Variants in MAP7 observed in about 807,000 individuals in gnomAD.
MAP7 encodes microtubule associated protein 7, also known as ensconsin.
MAP7 carries 52 observed loss-of-function variants against 94.8 expected under a neutral mutation model. The ratio of observed to expected loss-of-function variants is 0.55; its 90% CI spans 0.44 to 0.69. The LOEUF is 0.69. Ranked by LOEUF, MAP7 falls within the 30% of genes least tolerant of loss-of-function variation. The pLI, the probability that MAP7 is intolerant of heterozygous loss-of-function variation, is 0.00. For missense variants in MAP7, 940 were observed against 964.6 expected (o/e 0.97, Z 0.34); for synonymous variants, 350 against 357.0 (o/e 0.98, Z 0.22).
intron 15 of MAP7, 50 bp from the exon 16 acceptor site, chr6:136,356,844 T>G: frequency 6.9e-7 from 1 of 1,455,278 alleles, no homozygotes; most frequent in South Asian, 1.2e-5. Context: ...ATTCTTTTCT[T>G]AGACCTAACC....
At chr6:136,401,221 A>C (rs1783974384) in intron 3 of MAP7, among the ~76,000 whole-genome samples, 1 of 152,174 alleles carries the variant, frequency 6.6e-6, no homozygotes, top group Admixed American at 6.5e-5. Flanking sequence ...ACTTGTTGGC[A>C]CATGCCTGTA....
intron 16 of MAP7, among the ~76,000 whole-genome samples, chr6:136,346,437 C>CAGTAG (rs1431140064): frequency 3.3e-5 from 5 of 151,986 alleles, no homozygotes; most frequent in Admixed American, 6.6e-5. Flanking sequence ...TGGCACGCAC[C>CAGTAG]AGTAGTCCAA....
intron 1 of MAP7, among the ~76,000 whole-genome samples, chr6:136,496,018 AG>A (rs1818094955): frequency 6.6e-6 from 1 of 152,258 alleles, no homozygotes; most frequent in Non-Finnish European, 1.5e-5. Flanking sequence ...AAGTTATAAC[AG>A]GATGTTCCTT....
chr6:136,540,819 T>C (rs1434245004), intron 1 of MAP7, among the ~76,000 whole-genome samples: 1 of 152,184 alleles, frequency 6.6e-6, no homozygotes, highest in African/African-American at 2.4e-5. Flanking sequence ...TCCTGCAAGA[T>C]TCTCAGATAA....
chr6:136,538,159 C>T (rs1380362252), intron 1 of MAP7, among the ~76,000 whole-genome samples: 1 of 152,158 alleles, frequency 6.6e-6, no homozygotes, highest in African/African-American at 2.4e-5. Context: ...ATGTGCCTCA[C>T]CCACATGCCC....
chr6:136,384,579 G>A (rs1315475651), intron 5 of MAP7, among the ~76,000 whole-genome samples: 2 of 151,866 alleles, frequency 1.3e-5, no homozygotes, highest in Non-Finnish European at 2.9e-5. Flanking sequence ...GATCTCCTGG[G>A]CTCAAGTGAT....
chr6:136,439,862 A>G (rs2128840195), intron 1 of MAP7, among the ~76,000 whole-genome samples: 1 of 152,260 alleles, frequency 6.6e-6, no homozygotes, highest in East Asian at 1.9e-4. Context: ...AGAGAGCGAG[A>G]AGCTGAAGTA....
At chr6:136,389,244 C>T (rs1768621253) in intron 4 of MAP7, 110 bp downstream of exon 4, 1 of 1,460,380 alleles carries the variant, frequency 6.8e-7, no homozygotes, top group Admixed American at 2.6e-5. Flanking sequence ...GCTGATCACT[C>T]TGAAACCATT....
intron 5 of MAP7, among the ~76,000 whole-genome samples, chr6:136,384,199 A>G (rs1778551095): frequency 6.6e-6 from 1 of 152,330 alleles, no homozygotes; most frequent in African/African-American, 2.4e-5. Flanking sequence ...GATAAAAAGA[A>G]CACCAGGTTC....
chr6:136,395,114 T>A (rs1357083372), intron 3 of MAP7, among the ~76,000 whole-genome samples: 2 of 151,330 alleles, frequency 1.3e-5, no homozygotes, highest in Non-Finnish European at 2.9e-5. Context: ...CATCCTGCAG[T>A]TCTATTTTTA....
chr6:136,431,710 G>A (rs1307063369), intron 1 of MAP7, among the ~76,000 whole-genome samples: 1 of 152,040 alleles, frequency 6.6e-6, no homozygotes, highest in South Asian at 2.1e-4. Context: ...TAGAGACGGG[G>A]TTTCACCATC....
chr6:136,376,004 C>CTG (rs1158688710), intron 7 of MAP7, among the ~76,000 whole-genome samples: 1 of 152,150 alleles, frequency 6.6e-6, no homozygotes, highest in African/African-American at 2.4e-5. Context: ...AATTTCCCAG[C>CTG]TGTGAGGCAG....
intron 1 of MAP7, among the ~76,000 whole-genome samples, chr6:136,437,603 A>G (rs955114872): frequency 2.6e-5 from 4 of 152,200 alleles, no homozygotes; most frequent in African/African-American, 9.7e-5. Flanking sequence ...TAAGAATGAC[A>G]GTTTCATCTC....
At chr6:136,474,675 G>T (rs1355356087) in intron 1 of MAP7, among the ~76,000 whole-genome samples, 1 of 151,864 alleles carries the variant, frequency 6.6e-6, no homozygotes, top group Non-Finnish European at 1.5e-5. Flanking sequence ...ATTTTATGTA[G>T]TTTATTCTAT....
chr6:136,404,926 C>G (rs1259779755), intron 3 of MAP7, among the ~76,000 whole-genome samples: 1 of 152,058 alleles, frequency 6.6e-6, no homozygotes, highest in African/African-American at 2.4e-5. Flanking sequence ...AAGGCATATC[C>G]TAATAGATTA....
At chr6:136,444,902 T>C (rs1398551965) in intron 1 of MAP7, among the ~76,000 whole-genome samples, 1 of 152,178 alleles carries the variant, frequency 6.6e-6, no homozygotes, top group Non-Finnish European at 1.5e-5. Flanking sequence ...CTTCAGCAAA[T>C]GTCTCAGTTT....
intron 1 of MAP7, among the ~76,000 whole-genome samples, chr6:136,424,487 C>T (rs1384133131): frequency 6.6e-6 from 1 of 152,178 alleles, no homozygotes; most frequent in Non-Finnish European, 1.5e-5. Context: ...AGGATACAAA[C>T]AAGCACCCTG....
In MAP7 at chr6:136,463,386, T is replaced by C. The variant is rs1027197365; in HGVS notation, c.68-41587A>G. ...TGGAAACTGAGGCTCAAAGAAGTAATTTGTCAACATAAATGGCTAAATTGT... is the reference window on the plus strand; with the variant it reads ...TGGAAACTGAGGCTCAAAGAAGTAACTTGTCAACATAAATGGCTAAATTGT... On this transcript the variant is annotated intron_variant, in intron 1 of 17. Coordinates refer to ENST00000354570, the MANE Select transcript of MAP7 (RefSeq NM_003980.6). Among the ~76,000 whole-genome samples the C allele has an allele frequency of 2.0e-5, 3 of 152,192 alleles. No homozygotes were observed. In the South Asian group the frequency reaches 6.2e-4, roughly 31 times the overall value.
rs1366047627 is a variant in MAP7 at position 136,344,247 on chromosome 6, A to C, written c.2240-9T>G. The stretch of plus-strand genomic sequence containing the variant: ...AAACACTCATATAACTTCTACATGA[A>C]GAGACAGAAAAAGAACAAGATTAAT... On this transcript the variant is annotated splice_polypyrimidine_tract_variant and intron_variant, in intron 17 of 17. Coordinates refer to ENST00000354570, the MANE Select transcript of MAP7 (RefSeq NM_003980.6). 7.6e-7 allele frequency: 1 copy of C among 1,318,756 alleles called. No individual in the cohort carries two copies. The highest frequency in any genetic ancestry group is 1.5e-5 in the African/African-American group (1 of 65,494). 81.7% of individuals were successfully genotyped at this position (1,318,756 alleles called of 1,614,324 possible). A position where few individuals can be genotyped will look rare whatever the true frequency, so the allele number is the denominator to read the frequency against.
Sources: gnomAD v4.1 joint callset for allele counts (sites outside exome capture counted in the v4.1 genomes callset) on GRCh38, gnomAD v4.1.1 for gene constraint, MANE v1.5 for transcripts, NCBI Gene and HGNC (gene_info 2026-07-23, HGNC 2026-07-21) for gene names.